FER1L6: variants seen among roughly 807,000 people sequenced by gnomAD.
FER1L6 encodes fer-1-like protein 6.
A neutral mutation model predicts 219.2 loss-of-function variants in FER1L6; 177 were observed. The ratio of observed to expected loss-of-function variants is 0.81; its 90% confidence interval spans 0.71 to 0.91. FER1L6 has a LOEUF of 0.91. Ranked by LOEUF, FER1L6 falls within the 40% of genes least tolerant of loss-of-function variation. The probability of loss-of-function intolerance (pLI) is 0.00; values close to 1 mark genes in which losing one functional copy is unlikely to be tolerated. For missense variants in FER1L6, 2,153 were observed against 2,259.9 expected (o/e 0.95, Z 0.96); for synonymous variants, 768 against 824.3 (o/e 0.93, Z 1.17).
At chr8:123,917,833 A>C (rs890082867) in intron 1 of FER1L6, among the ~76,000 whole-genome samples, 1 of 152,246 alleles carries the variant, frequency 6.6e-6, no homozygotes, top group African/African-American at 2.4e-5. Context: ...CAACATACAC[A>C]GGAAGTTTTA....
At chr8:124,019,714 G>A (rs1190635015) in intron 16 of FER1L6, among the ~76,000 whole-genome samples, 1 of 152,240 alleles carries the variant, frequency 6.6e-6, no homozygotes, top group Non-Finnish European at 1.5e-5. Context: ...ATAAGGACAA[G>A]ACAGAGGAGG....
At chr8:123,993,555 C>T (rs1365736667) in intron 12 of FER1L6, among the ~76,000 whole-genome samples, 1 of 152,188 alleles carries the variant, frequency 6.6e-6, no homozygotes, top group South Asian at 2.1e-4. Flanking sequence ...CTGCTGAGCC[C>T]AGCACTGCAG....
intron 17 of FER1L6, among the ~76,000 whole-genome samples, chr8:124,021,959 C>A (rs1818475637): frequency 6.6e-6 from 1 of 152,144 alleles, no homozygotes; most frequent in Non-Finnish European, 1.5e-5. Flanking sequence ...AGGTTTTCAA[C>A]TATAAAAGGA....
At chr8:123,975,409 T>TGAGAAGAAGCATGG in intron 8 of FER1L6, 103 bp downstream of exon 8, 1 of 1,147,484 alleles carries the variant, frequency 8.7e-7, no homozygotes, top group Non-Finnish European at 1.2e-6. Flanking sequence ...AGAACCATGC[T>TGAGAAGAAGCATGG]TCTTCTCAGC....
intron 12 of FER1L6, among the ~76,000 whole-genome samples, chr8:123,992,276 A>G (rs1396330811): frequency 6.6e-6 from 1 of 152,178 alleles, no homozygotes; most frequent in African/African-American, 2.4e-5. Context: ...TAGAATTGGT[A>G]CTAACTCTTT....
At position 123,853,120 on chromosome 8, in the gene FER1L6, G is replaced by A. The variant is rs116284604; in HGVS notation, c.-8+935G>A. On this transcript the variant is annotated intron_variant, in intron 1 of 40. Coordinates refer to ENST00000522917, the MANE Select transcript of FER1L6 (RefSeq NM_001039112.2). This position sits in a 1 kb window ranked among gnomAD's most constrained non-coding sequence, Gnocchi z 6.6. ...CAGCCTTCCAAAGTGCTCGGATTACGTGCGTGAGCCACTGTGCCCACCCTC... is the reference window on the plus strand; with the variant it reads ...CAGCCTTCCAAAGTGCTCGGATTACATGCGTGAGCCACTGTGCCCACCCTC... Among the ~76,000 whole-genome samples the A allele has an allele frequency of 8.1e-3, 1,228 of 151,842 alleles. 15 individuals carry two copies. Among genetic ancestry groups the A allele is most frequent in the African/African-American group, 0.022 (919 of 41,374 alleles).
intron 3 of FER1L6, 121 bp from the exon 4 acceptor site, chr8:123,965,886 A>T: frequency 1.0e-5 from 9 of 900,964 alleles, no homozygotes; most frequent in African/African-American, 3.3e-5. Context: ...TCCCCCAGAG[A>T]TGTAGACAGA....
chr8:123,953,336 A>C (rs1291655822), intron 1 of FER1L6, among the ~76,000 whole-genome samples: 1 of 152,218 alleles, frequency 6.6e-6, no homozygotes, highest in Non-Finnish European at 1.5e-5. Flanking sequence ...CTTACTCTTC[A>C]GCAGGCCTGA....
chr8:123,885,433 C>A (rs1189234160), intron 1 of FER1L6, among the ~76,000 whole-genome samples: 1 of 152,182 alleles, frequency 6.6e-6, no homozygotes, highest in East Asian at 1.9e-4. Context: ...GACCACTGTG[C>A]ACTGATAAAG....
At position 124,049,595 on chromosome 8, in the gene FER1L6, TTTC is replaced by T; in HGVS notation, c.2725-6_2725-4del. On this transcript the variant is annotated splice_polypyrimidine_tract_variant and intron_variant, in intron 21 of 40. Coordinates refer to ENST00000522917, the MANE Select transcript of FER1L6 (RefSeq NM_001039112.2). Reference sequence around the variant, plus strand: ...GATCAGGAAATACAAACTCATTTCTTTTCTTCTTTAGGGGAAGCCAGAATATTT... The same window carrying T: ...GATCAGGAAATACAAACTCATTTCTTTTCTTTAGGGGAAGCCAGAATATTT... 1 of 1,613,536 alleles carries T rather than the reference TTTC, an allele frequency of 6.2e-7. No individual in the cohort carries two copies. The highest frequency in any genetic ancestry group is 8.5e-7 in the Non-Finnish European group (1 of 1,179,878).
chr8:123,989,368 T>G (rs1816746139), intron 12 of FER1L6, among the ~76,000 whole-genome samples: 1 of 152,230 alleles, frequency 6.6e-6, no homozygotes, highest in Non-Finnish European at 1.5e-5. Flanking sequence ...CTCTTCCATT[T>G]TTTTGTATTG....
intron 20 of FER1L6, among the ~76,000 whole-genome samples, chr8:124,045,380 C>T (rs1204744404): frequency 6.6e-6 from 1 of 152,128 alleles, no homozygotes. Context: ...GAACCTACCT[C>T]CCAGAATTAT....
chr8:123,916,301 T>C (rs1447558089), intron 1 of FER1L6, among the ~76,000 whole-genome samples: 2 of 152,268 alleles, frequency 1.3e-5, no homozygotes, highest in African/African-American at 2.4e-5. Context: ...TTCCAGATTC[T>C]TGGATGGCAC....
In FER1L6 at chr8:123,852,471, C is replaced by CGTGTGTGTGTGT. The variant is rs61303449; in HGVS notation, c.-8+317_-8+328dup. 1.9e-4 allele frequency among the ~76,000 whole-genome samples: 27 copies of CGTGTGTGTGTGT among 140,058 alleles called. No individual in the cohort carries two copies. The highest frequency in any genetic ancestry group is 5.1e-4 in the African/African-American group (19 of 36,904). The allele number at this position is 140,058 out of a possible 152,430, so 91.9% of individuals were successfully genotyped here. A position where few individuals can be genotyped will look rare whatever the true frequency, so the allele number is the denominator to read the frequency against. The stretch of plus-strand genomic sequence containing the variant: ...GCTTGAACTCCATGTTGTGAGCATG[C>CGTGTGTGTGTGT]GTGTGTGTGTGTGTGTGTGTGTGTG... On this transcript the variant is annotated intron_variant, in intron 1 of 40. Transcript: ENST00000522917. This position sits in a 1 kb window ranked among gnomAD's most constrained non-coding sequence, Gnocchi z 4.9.
intron 33 of FER1L6, among the ~76,000 whole-genome samples, chr8:124,083,123 C>T (rs1821635403): frequency 6.6e-6 from 1 of 151,366 alleles, no homozygotes; most frequent in African/African-American, 2.4e-5. Flanking sequence ...ATATCTATCA[C>T]CTCAAATATT....
At chr8:123,886,576 C>G (rs1016728341) in intron 1 of FER1L6, among the ~76,000 whole-genome samples, 1 of 152,172 alleles carries the variant, frequency 6.6e-6, no homozygotes, top group Admixed American at 6.5e-5. Flanking sequence ...TAATAAACCT[C>G]TTAAATTACC....
chr8:124,072,172 A>T (rs1198067212), intron 31 of FER1L6, among the ~76,000 whole-genome samples: 2 of 152,208 alleles, frequency 1.3e-5, no homozygotes, highest in East Asian at 3.8e-4. Flanking sequence ...GCAGGAAACT[A>T]CAGGAAAGAC....
Position 123,966,376 on chromosome 8 carries a change from G to A in FER1L6, c.384+86G>A, listed in dbSNP as rs1393019218. The A allele has an allele frequency of 1.9e-6, 3 of 1,544,742 alleles. No individual in the cohort carries two copies. The South Asian group carries it at 3.7e-5, about 19-fold the overall frequency. ...GGATCCTTCAGTCAAACAAAGAGCT[G>A]TGCCCCTCCTGCCTCCCTCCCTGGC... On this transcript the variant is annotated intron_variant, in intron 5 of 40. Coordinates refer to ENST00000522917, the MANE Select transcript of FER1L6 (RefSeq NM_001039112.2).
At chr8:124,020,966 C>T (rs539823280) in intron 16 of FER1L6, among the ~76,000 whole-genome samples, 10 of 152,162 alleles carry the variant, frequency 6.6e-5, no homozygotes, top group Admixed American at 1.3e-4. Flanking sequence ...GTTTAATTGA[C>T]GCACAGTTCC....
Sources: gnomAD v4.1 joint callset for allele counts (sites outside exome capture counted in the v4.1 genomes callset) on GRCh38, gnomAD v4.1.1 for gene constraint, Gnocchi (gnomAD v3.1) non-coding constraint, MANE v1.5 for transcripts, NCBI Gene and HGNC (gene_info 2026-07-23, HGNC 2026-07-21) for gene names.